The following NWD2 variants were observed in gnomAD, a reference collection of about 807,000 sequenced individuals.
The protein encoded by NWD2 is NACHT and WD repeat domain-containing protein 2.
NWD2 carries 37 observed loss-of-function variants against 132.7 expected under a neutral mutation model. The observed-to-expected ratio is 0.28, with a 90% confidence interval of 0.21 to 0.37. The LOEUF (loss-of-function observed/expected upper bound fraction) is 0.37, where lower values mean the gene tolerates loss of function less well. NWD2 is among the 10% of genes least tolerant of loss of function. The pLI is 1.00. For missense variants in NWD2, 1,592 were observed against 2,122.4 expected, an observed-to-expected ratio of 0.75 and a Z score of 4.91; for synonymous variants, 705 against 803.0, an observed-to-expected ratio of 0.88 and a Z score of 2.06.
chr4:37,448,123 C>G lies in NWD2; in HGVS notation c.*906C>G, dbSNP rs2109332739. Reference sequence around the variant, plus strand: ...CAGTTTGTATGGAAGCATAAATATTCCCTAAATTCCTGCAGTTAGTCTTCA... The same window carrying G: ...CAGTTTGTATGGAAGCATAAATATTGCCTAAATTCCTGCAGTTAGTCTTCA... On this transcript the variant is annotated 3_prime_UTR_variant, in exon 7 of 7. Coordinates refer to ENST00000309447, the MANE Select transcript of NWD2 (RefSeq NM_001144990.2). 6.6e-6 allele frequency: 1 copy of G among 152,258 alleles called. No homozygotes were observed. Among genetic ancestry groups the G allele is most frequent in the Middle Eastern group, 3.4e-3 (1 of 294 alleles). 9.4% of individuals were successfully genotyped at this position (152,258 alleles called of 1,614,324 possible).
chr4:37,292,043 T>C (rs912152615), intron 1 of NWD2, among the ~76,000 whole-genome samples: 7 of 152,208 alleles, frequency 4.6e-5, no homozygotes, highest in African/African-American at 1.7e-4. Flanking sequence ...CATTAAGTTT[T>C]TTTAGAAAGT....
At chr4:37,294,854 A>G (rs1656233) in intron 1 of NWD2, among the ~76,000 whole-genome samples, 106,936 of 152,102 alleles carry the variant, frequency 0.7, 37,889 homozygotes, top group African/African-American at 0.75. Flanking sequence ...TAAAGATCAC[A>G]TCTGAAAGAA....
intron 3 of NWD2, among the ~76,000 whole-genome samples, chr4:37,405,259 A>G (rs573021909): frequency 3.3e-5 from 5 of 152,316 alleles, no homozygotes; most frequent in Admixed American, 6.5e-5. Flanking sequence ...GAGACAAATT[A>G]TAAGAATGAA....
intron 3 of NWD2, among the ~76,000 whole-genome samples, chr4:37,419,601 C>T (rs1185049307): frequency 6.6e-6 from 1 of 152,156 alleles, no homozygotes; most frequent in East Asian, 1.9e-4. Flanking sequence ...TAAACAGACA[C>T]TTCTCAATAG....
chr4:37,426,044 G>C (rs867625881), intron 3 of NWD2, among the ~76,000 whole-genome samples: 18 of 152,280 alleles, frequency 1.2e-4, no homozygotes, highest in Middle Eastern at 3.4e-3. Context: ...CAACTGAGTT[G>C]GACTGCCCCC....
chr4:37,282,461 T>C (rs990668406), intron 1 of NWD2, among the ~76,000 whole-genome samples: 1 of 152,162 alleles, frequency 6.6e-6, no homozygotes, highest in African/African-American at 2.4e-5. Context: ...ATAGAGTTTG[T>C]AGGTATAAAA....
chr4:37,271,569 A>T (rs1717871685), intron 1 of NWD2, among the ~76,000 whole-genome samples: 1 of 151,822 alleles, frequency 6.6e-6, no homozygotes, highest in Non-Finnish European at 1.5e-5. Flanking sequence ...AAATTCACTT[A>T]TGAGTTCAAA....
At chr4:37,421,762 A>T (rs538485095) in intron 3 of NWD2, among the ~76,000 whole-genome samples, 2 of 152,212 alleles carry the variant, frequency 1.3e-5, no homozygotes, top group Non-Finnish European at 2.9e-5. Context: ...ACAAAATCAC[A>T]TTCATTTTAT....
intron 5 of NWD2, among the ~76,000 whole-genome samples, chr4:37,435,444 G>T (rs530981733): frequency 1.3e-5 from 2 of 152,174 alleles, no homozygotes; most frequent in African/African-American, 4.8e-5. Context: ...CAATCGTCAG[G>T]AATAAGTACT....
At chr4:37,273,653 T>TA (rs1167950890) in intron 1 of NWD2, among the ~76,000 whole-genome samples, 2 of 152,128 alleles carry the variant, frequency 1.3e-5, no homozygotes, top group Non-Finnish European at 2.9e-5. Flanking sequence ...ACATCGCACT[T>TA]ATTCCAAAAT....
At chr4:37,329,946 A>T (rs1719257629) in intron 2 of NWD2, among the ~76,000 whole-genome samples, 1 of 152,220 alleles carries the variant, frequency 6.6e-6, no homozygotes, top group Non-Finnish European at 1.5e-5. Flanking sequence ...CAGGCCTGGA[A>T]TTGCCTTATT....
At chr4:37,440,357 G>A (rs2109329814) in intron 6 of NWD2, among the ~76,000 whole-genome samples, 1 of 152,276 alleles carries the variant, frequency 6.6e-6, no homozygotes, top group Middle Eastern at 3.4e-3. Context: ...CTCAGGTATT[G>A]TTTTGCCCTG....
At chr4:37,326,766 A>G (rs1719181374) in intron 2 of NWD2, among the ~76,000 whole-genome samples, 1 of 152,206 alleles carries the variant, frequency 6.6e-6, no homozygotes, top group Non-Finnish European at 1.5e-5. Context: ...TCTAAACTAC[A>G]CATTTACATT....
At position 37,282,173 on chromosome 4, in the gene NWD2, A is replaced by T. The variant is rs1349912069; in HGVS notation, c.151+36955A>T. Among the ~76,000 whole-genome samples the T allele has an allele frequency of 3.3e-5, 5 of 152,222 alleles. No individual in the cohort carries two copies. In the East Asian group the frequency reaches 9.6e-4, roughly 29 times the overall value. ...CATGTAAAAAGCAACAGCTCTTTCT[A>T]TGAAAGGCTATTAAAAATGAAAAAC... On this transcript the variant is annotated intron_variant, in intron 1 of 6. Coordinates refer to ENST00000309447, the MANE Select transcript of NWD2 (RefSeq NM_001144990.2).
chr4:37,368,329 T>G (rs1720141152), intron 3 of NWD2, among the ~76,000 whole-genome samples: 1 of 152,194 alleles, frequency 6.6e-6, no homozygotes, highest in African/African-American at 2.4e-5. Context: ...GGTCCAGATC[T>G]GCTATATCCA....
Position 37,446,919 on chromosome 4 carries a change from C to T in NWD2, c.4931C>T (p.Thr1644Met), listed in dbSNP as rs750496899. ...GFDDGSIGIYTVVDRVDAALK... is the reference protein window; with the variant it reads ...GFDDGSIGIYMVVDRVDAALK... Reference sequence around the variant, plus strand: ...GATGATGGGAGTATAGGGATCTACACGGTAGTAGACCGTGTAGATGCTGCA... The same window carrying T: ...GATGATGGGAGTATAGGGATCTACATGGTAGTAGACCGTGTAGATGCTGCA... The change falls in exon 7 of 7, where the codon ACG becomes ATG. Residue 1644 changes from threonine to methionine, a missense_variant. Coordinates refer to ENST00000309447, the MANE Select transcript of NWD2 (RefSeq NM_001144990.2). This position sits in a 1 kb window ranked among gnomAD's most constrained non-coding sequence, Gnocchi z 6.7. 9.2e-5 allele frequency: 142 copies of T among 1,551,520 alleles called. No individual in the cohort carries two copies. The highest frequency in any genetic ancestry group is 1.1e-4 in the Non-Finnish European group (129 of 1,146,982).
chr4:37,270,627 T>A (rs1717852569), intron 1 of NWD2, among the ~76,000 whole-genome samples: 1 of 151,802 alleles, frequency 6.6e-6, no homozygotes, highest in South Asian at 2.1e-4. Context: ...TTTGTCTTTT[T>A]TTATTGATTG....
rs1179965896 is a variant in NWD2, at chr4:37,297,502, A to C, written c.152-28434A>C. On this transcript the variant is annotated intron_variant, in intron 1 of 6. Coordinates refer to ENST00000309447, the MANE Select transcript of NWD2 (RefSeq NM_001144990.2). Reference sequence around the variant, plus strand: ...ATGTATATTTTCTAAAAATAAGTATATGTTCTTACATAAGTAAAATACAAA... The same window carrying C: ...ATGTATATTTTCTAAAAATAAGTATCTGTTCTTACATAAGTAAAATACAAA... Among the ~76,000 whole-genome samples, 5 of 152,314 alleles carry C rather than the reference A, an allele frequency of 3.3e-5. No homozygotes were observed. In the East Asian group the frequency reaches 9.6e-4, roughly 29 times the overall value.
At chr4:37,374,452 A>C (rs2109306474) in intron 3 of NWD2, among the ~76,000 whole-genome samples, 1 of 152,352 alleles carries the variant, frequency 6.6e-6, no homozygotes, top group South Asian at 2.1e-4. Flanking sequence ...AGGGAAGACA[A>C]AGAATAGAAC....
Sources: gnomAD v4.1 joint callset for allele counts (sites outside exome capture counted in the v4.1 genomes callset) on GRCh38, gnomAD v4.1.1 for gene constraint, Gnocchi (gnomAD v3.1) non-coding constraint, MANE v1.5 for transcripts, NCBI Gene and HGNC (gene_info 2026-07-23, HGNC 2026-07-21) for gene names.